MACROD2: variants seen among roughly 807,000 people sequenced by gnomAD.
The protein encoded by MACROD2 is ADP-ribose glycohydrolase MACROD2.
A neutral mutation model predicts 70.4 loss-of-function variants in MACROD2; 36 were observed. That is an observed-to-expected ratio of 0.51 (90% confidence interval 0.39 to 0.68). The LOEUF is 0.68. MACROD2 is among the 30% of genes least tolerant of loss of function. The probability of loss-of-function intolerance (pLI) is 0.00; values close to 1 mark genes in which losing one functional copy is unlikely to be tolerated. For missense variants in MACROD2, 496 were observed against 538.4 expected, an observed-to-expected ratio of 0.92 and a Z score of 0.78; for synonymous variants, 172 against 178.8, an observed-to-expected ratio of 0.96 and a Z score of 0.30.
chr20:14,377,847 T>C (rs572115604), intron 3 of MACROD2, among the ~76,000 whole-genome samples: 2 of 152,330 alleles, frequency 1.3e-5, no homozygotes, highest in South Asian at 2.1e-4. Context: ...TCAAATATTG[T>C]TAGAGCTTAG....
intron 5 of MACROD2, among the ~76,000 whole-genome samples, chr20:14,866,159 A>G (rs1160444977): frequency 6.6e-6 from 1 of 152,168 alleles, no homozygotes. Flanking sequence ...AGTTATGCAT[A>G]CAATTAGCTA....
chr20:14,003,767 C>A (rs2052769925), intron 2 of MACROD2: 9 of 398,830 alleles, frequency 2.3e-5, no homozygotes, highest in South Asian at 1.8e-5. Flanking sequence ...TTAATAAAAT[C>A]TTGTACAAAG....
At chr20:15,290,448 T>A (rs2077531663) in intron 6 of MACROD2, among the ~76,000 whole-genome samples, 2 of 152,116 alleles carry the variant, frequency 1.3e-5, no homozygotes, top group South Asian at 4.1e-4. Context: ...TGGGCGACAG[T>A]GGTTTTGTTT....
rs1326757953 is a variant in MACROD2, at chr20:14,862,689, AAATATATAT to A, written c.418+177733_418+177741del. On this transcript the variant is annotated intron_variant, in intron 5 of 17. Transcript: ENST00000684519. ...TATAAATATATATAAATATATATAT[AAATATATAT>A]AAATATATATATATATATTTTTTTT... Among the ~76,000 whole-genome samples the A allele has an allele frequency of 1.9e-4, 15 of 77,466 alleles. 2 individuals carry two copies. The highest frequency in any genetic ancestry group is 7.7e-4 in the African/African-American group (15 of 19,456). The allele number at this position is 77,466 out of a possible 152,430, so 50.8% of individuals were successfully genotyped here.
At chr20:15,845,012 G>T (rs961494471) in intron 8 of MACROD2, among the ~76,000 whole-genome samples, 3 of 152,034 alleles carry the variant, frequency 2.0e-5, no homozygotes, top group Non-Finnish European at 4.4e-5. Flanking sequence ...ACACTTCATG[G>T]CAGTCTTTCA....
chr20:15,560,293 G>A lies in MACROD2; in HGVS notation c.645+60446G>A, dbSNP rs369217504. Among the ~76,000 whole-genome samples the A allele has an allele frequency of 2.6e-5, 4 of 152,196 alleles. No individual in the cohort carries two copies. In the South Asian group the frequency reaches 6.2e-4, roughly 24 times the overall value. On this transcript the variant is annotated intron_variant, in intron 8 of 17. Transcript: ENST00000684519. ...AATTTAGGTGAGTTTCTTAATCTCT[G>A]TACTACTCAGGTCACTCATTTGTAA...
chr20:14,372,700 C>T (rs1998237), intron 3 of MACROD2, among the ~76,000 whole-genome samples: 66,492 of 152,016 alleles, frequency 0.44, 16,673 homozygotes, highest in South Asian at 0.66. Flanking sequence ...TCCAGACTTC[C>T]GATAACACAT....
chr20:14,578,986 T>C (rs1338188083), intron 4 of MACROD2, among the ~76,000 whole-genome samples: 2 of 84,902 alleles, frequency 2.4e-5, no homozygotes, highest in Non-Finnish European at 5.7e-5. Context: ...TTTTATGGAA[T>C]GCACTTCTTT....
At chr20:15,787,541 C>A (rs2051950504) in intron 8 of MACROD2, among the ~76,000 whole-genome samples, 3 of 152,066 alleles carry the variant, frequency 2.0e-5, no homozygotes, top group African/African-American at 7.2e-5. Flanking sequence ...TTAGCTCCCA[C>A]TTGTAAGTGA....
chr20:14,359,142 C>T (rs182507182), intron 3 of MACROD2, among the ~76,000 whole-genome samples: 82 of 152,144 alleles, frequency 5.4e-4, no homozygotes, highest in African/African-American at 1.8e-3. Context: ...GAGCCAAGAT[C>T]GCACCACTGC....
At chr20:14,935,516 T>TG (rs2074333347) in intron 5 of MACROD2, among the ~76,000 whole-genome samples, 1 of 152,162 alleles carries the variant, frequency 6.6e-6, no homozygotes, top group Admixed American at 6.5e-5. Flanking sequence ...GCATCTGGGA[T>TG]CCCTTGATAT....
At chr20:15,310,343 G>A (rs1336379105) in intron 6 of MACROD2, among the ~76,000 whole-genome samples, 1 of 152,130 alleles carries the variant, frequency 6.6e-6, no homozygotes, top group Non-Finnish European at 1.5e-5. Context: ...TTGCTCTGGG[G>A]TGTAGATTTC....
intron 6 of MACROD2, among the ~76,000 whole-genome samples, chr20:15,415,130 CT>C (rs1384314941): frequency 3.9e-5 from 6 of 152,124 alleles, no homozygotes; most frequent in African/African-American, 1.4e-4. Flanking sequence ...GATATGTGTT[CT>C]TCTAGAAAAA....
At chr20:15,501,224 C>T (rs895147514) in intron 8 of MACROD2, among the ~76,000 whole-genome samples, 4 of 152,192 alleles carry the variant, frequency 2.6e-5, no homozygotes, top group Non-Finnish European at 4.4e-5. Flanking sequence ...ATGTTCCACA[C>T]CTGGATTAAC....
intron 3 of MACROD2, among the ~76,000 whole-genome samples, chr20:14,214,942 T>C (rs1189557315): frequency 6.6e-6 from 1 of 151,654 alleles, no homozygotes; most frequent in African/African-American, 2.4e-5. Context: ...TTCATTCCTT[T>C]TTATGGCTGC....
intron 3 of MACROD2, among the ~76,000 whole-genome samples, chr20:14,477,906 G>T (rs1444356732): frequency 1.3e-5 from 2 of 152,100 alleles, no homozygotes; most frequent in Admixed American, 6.6e-5. Context: ...GCCCCATATT[G>T]TAAAGGGAGC....
chr20:14,236,709 A>G (rs909505654), intron 3 of MACROD2, among the ~76,000 whole-genome samples: 7 of 152,260 alleles, frequency 4.6e-5, no homozygotes, highest in African/African-American at 1.7e-4. Context: ...TACTGCATTT[A>G]TGAATTTGGT....
At chr20:15,260,080 A>G (rs1437694622) in intron 6 of MACROD2, among the ~76,000 whole-genome samples, 1 of 151,904 alleles carries the variant, frequency 6.6e-6, no homozygotes, top group Non-Finnish European at 1.5e-5. Flanking sequence ...TAATGATCAA[A>G]TAAAGGTAAT....
chr20:14,325,335 AG>A (rs2082716307), intron 3 of MACROD2: 1 of 410,586 alleles, frequency 2.4e-6, no homozygotes, highest in Non-Finnish European at 4.3e-6. Context: ...ACTAAAATAT[AG>A]AATTGTGTTC....
Sources: allele counts gnomAD v4.1 joint callset (sites outside exome capture counted in the v4.1 genomes callset), GRCh38; gene constraint gnomAD v4.1.1; transcripts MANE v1.5; gene names NCBI Gene and HGNC (gene_info 2026-07-23, HGNC 2026-07-21).